The following MTF2 variants were observed in gnomAD, a reference collection of about 807,000 sequenced individuals.
MTF2 encodes metal-response element-binding transcription factor 2.
In MTF2, 11 loss-of-function variants were observed where a neutral mutation model predicts 79.5. The observed-to-expected ratio is 0.14, with a 90% confidence interval of 0.09 to 0.23. The LOEUF (loss-of-function observed/expected upper bound fraction) is 0.23. MTF2 is among the 10% of genes least tolerant of loss of function. MTF2 has a pLI of 1.00. For synonymous variants in MTF2, 208 were observed against 232.8 expected (o/e 0.89, Z 0.97); for missense variants, 486 against 711.2 (o/e 0.68, Z 3.60).
At chr1:93,083,436 A>T (rs1423445717) in intron 1 of MTF2, among the ~76,000 whole-genome samples, 1 of 152,172 alleles carries the variant, frequency 6.6e-6, no homozygotes, top group East Asian at 1.9e-4. Context: ...TCATTATATG[A>T]ATATACCTTT....
At chr1:93,101,343 G>A (rs1019361336) in intron 1 of MTF2, among the ~76,000 whole-genome samples, 4 of 128,216 alleles carry the variant, frequency 3.1e-5, no homozygotes, top group African/African-American at 1.1e-4. Context: ...TAAAATACAT[G>A]TAACAAAATT....
chr1:93,119,713 A>G (rs535120783), intron 8 of MTF2: 33 of 205,356 alleles, frequency 1.6e-4, no homozygotes, highest in African/African-American at 7.4e-4. Context: ...AGAGATAGGT[A>G]TAACAAATAT....
chr1:93,136,608 T>G, intron 14 of MTF2, 62 bp from the exon 15 acceptor site: 1 of 1,306,020 alleles, frequency 7.7e-7, no homozygotes, highest in Non-Finnish European at 1.1e-6. Context: ...AGAGAACATA[T>G]TGTATGGGCA....
At chr1:93,123,259 TCTC>T (rs1447218110) in intron 9 of MTF2, among the ~76,000 whole-genome samples, 2 of 146,928 alleles carry the variant, frequency 1.4e-5, no homozygotes, top group East Asian at 2.0e-4. Context: ...AGTCTCTCTC[TCTC>T]TTTTTTTTTT....
rs1202492947 is a variant in MTF2, at chr1:93,138,992, G to A, written c.*1965G>A. ...TTATTTTCTCATGGTGGTTCACATG[G>A]CTCTGATGTTCAGTTTGTATTTTTG... On this transcript the variant is annotated 3_prime_UTR_variant, in exon 15 of 15. Transcript: ENST00000370298. The A allele has an allele frequency of 6.6e-6, 1 of 152,126 alleles. No homozygotes were observed. The highest frequency in any genetic ancestry group is 1.5e-5 in the Non-Finnish European group (1 of 68,018). The allele number at this position is 152,126 out of a possible 1,614,324, so 9.4% of individuals were successfully genotyped here.
At chr1:93,136,188 T>C (rs1289861771) in intron 14 of MTF2, among the ~76,000 whole-genome samples, 1 of 152,202 alleles carries the variant, frequency 6.6e-6, no homozygotes, top group Non-Finnish European at 1.5e-5. Flanking sequence ...CTTATTCTGA[T>C]TCTGGTGTAT....
chr1:93,094,118 T>G (rs968851188), intron 1 of MTF2, among the ~76,000 whole-genome samples: 1 of 152,220 alleles, frequency 6.6e-6, no homozygotes, highest in Non-Finnish European at 1.5e-5. Context: ...GCTGGACACT[T>G]GTGGCCTTTT....
At chr1:93,131,613 T>C (rs1406464131) in intron 11 of MTF2, among the ~76,000 whole-genome samples, 1 of 152,146 alleles carries the variant, frequency 6.6e-6, no homozygotes, top group Non-Finnish European at 1.5e-5. Context: ...CATCAACACC[T>C]AGAAGCTTTC....
At chr1:93,130,034 T>A (rs557406781) in intron 11 of MTF2, among the ~76,000 whole-genome samples, 1 of 152,314 alleles carries the variant, frequency 6.6e-6, no homozygotes, top group East Asian at 1.9e-4. Context: ...AGAATGAGAA[T>A]GTTATAACAA....
chr1:93,130,450 G>C (rs1268156239), intron 11 of MTF2, among the ~76,000 whole-genome samples: 5 of 152,088 alleles, frequency 3.3e-5, no homozygotes, highest in African/African-American at 1.2e-4. Context: ...GGTGGCTTTT[G>C]CCTGTAGTCC....
chr1:93,099,470 G>A lies in MTF2; in HGVS notation c.6-10760G>A, dbSNP rs374506829. Among the ~76,000 whole-genome samples, 27 of 152,230 alleles carry A rather than the reference G, an allele frequency of 1.8e-4. No individual in the cohort carries two copies. The East Asian group carries it at 4.8e-3, about 27-fold the overall frequency. ...AATGGTAACCTATAAAGGAGTAAAA[G>A]TCAGAGTGGCATCAGATTTTTCATT... On this transcript the variant is annotated intron_variant, in intron 1 of 14. Transcript: ENST00000370298.
At chr1:93,118,910 A>C (rs72955369) in intron 7 of MTF2, among the ~76,000 whole-genome samples, 5 of 152,280 alleles carry the variant, frequency 3.3e-5, no homozygotes, top group Admixed American at 6.5e-5. Context: ...GGTTTTAAAA[A>C]TCTTGGCTTA....
intron 9 of MTF2, among the ~76,000 whole-genome samples, chr1:93,122,082 A>G (rs1052091181): frequency 1.3e-5 from 2 of 152,160 alleles, no homozygotes; most frequent in Admixed American, 1.3e-4. Flanking sequence ...GATTACAGGC[A>G]TGAGCCACTG....
intron 3 of MTF2, among the ~76,000 whole-genome samples, chr1:93,113,568 C>T (rs1236936051): frequency 6.6e-6 from 1 of 152,082 alleles, no homozygotes; most frequent in African/African-American, 2.4e-5. Context: ...AGATGTAATA[C>T]TATGCAGCTA....
chr1:93,108,759 T>C (rs1334363473), intron 1 of MTF2, among the ~76,000 whole-genome samples: 2 of 152,020 alleles, frequency 1.3e-5, no homozygotes, highest in Admixed American at 6.6e-5. Context: ...AGTTATTTCT[T>C]TGGATATCTC....
intron 1 of MTF2, 73 bp from the exon 2 acceptor site, chr1:93,110,157 T>TA: frequency 7.3e-7 from 1 of 1,375,184 alleles, no homozygotes; most frequent in Non-Finnish European, 1.0e-6. Flanking sequence ...TTGATTAACA[T>TA]ATAAAATATC....
At chr1:93,105,837 G>A (rs1223653140) in intron 1 of MTF2, among the ~76,000 whole-genome samples, 1 of 152,010 alleles carries the variant, frequency 6.6e-6, no homozygotes, top group East Asian at 1.9e-4. Context: ...CATCACGCCC[G>A]GCTAATTTTT....
intron 1 of MTF2, among the ~76,000 whole-genome samples, chr1:93,108,119 T>C (rs1013927568): frequency 1.3e-5 from 2 of 152,224 alleles, no homozygotes; most frequent in Non-Finnish European, 2.9e-5. Flanking sequence ...TGCTCCTACA[T>C]ACTTCCTTTA....
chr1:93,113,504 A>T (rs1656120530), intron 3 of MTF2, among the ~76,000 whole-genome samples: 1 of 152,204 alleles, frequency 6.6e-6, no homozygotes, highest in African/African-American at 2.4e-5. Context: ...AACAGTTGGT[A>T]ACCTGTATGT....
Sources: allele counts gnomAD v4.1 joint callset (sites outside exome capture counted in the v4.1 genomes callset), GRCh38; gene constraint gnomAD v4.1.1; transcripts MANE v1.5; gene names NCBI Gene and HGNC (gene_info 2026-07-23, HGNC 2026-07-21).